Variants in CFAP74 observed in about 807,000 individuals in gnomAD.
CFAP74 encodes the protein cilia- and flagella-associated protein 74.
A neutral mutation model predicts 188.9 loss-of-function variants in CFAP74; 124 were observed. The ratio of observed to expected loss-of-function variants is 0.66; its 90% confidence interval spans 0.57 to 0.76. The LOEUF (loss-of-function observed/expected upper bound fraction) is 0.76. Ranked by LOEUF, CFAP74 falls within the 30% of genes least tolerant of loss-of-function variation. CFAP74 has a pLI of 0.00. For missense variants in CFAP74, 2,198 were observed against 2,165.2 expected (o/e 1.02, Z -0.30); for synonymous variants, 956 against 916.7 (o/e 1.04, Z -0.77).
chr1:1,927,649 A>C lies in CFAP74; in HGVS notation c.3485T>G (p.Val1162Gly). The change falls in exon 28 of 39, where the codon GTC (valine) becomes GGC (glycine). Residue 1162 changes from valine (V) to glycine (G), a missense_variant. Val to Gly is a moderately radical substitution (Grantham distance 109). Transcript: ENST00000682832. ...CTTCCGCATCTCCAGGACGTGGGGG[A>C]CAGAGACTTTGAACAGCTTGTCGCG... The part of the protein sequence containing the change: ...QNRDKLFKVS[V>G]PHVLEMRKRE... 6.5e-7 allele frequency: 1 copy of C among 1,550,150 alleles called. No homozygotes were observed. The highest frequency in any genetic ancestry group is 8.7e-7 in the Non-Finnish European group (1 of 1,146,848).
intron 18 of CFAP74, chr1:1,954,926 A>G: frequency 8.4e-7 from 1 of 1,193,004 alleles, no homozygotes; most frequent in Non-Finnish European, 1.1e-6. Flanking sequence ...AACAGTGTGT[A>G]CCACGAACGC....
intron 17 of CFAP74, 86 bp from the exon 18 acceptor site, chr1:1,955,936 CGTGTT>C: frequency 6.7e-7 from 1 of 1,501,154 alleles, no homozygotes; most frequent in Non-Finnish European, 8.9e-7. Context: ...GAGGACAGGC[CGTGTT>C]GGGGGCTGGA....
At chr1:1,939,058 TGAGTGTGA>T in intron 24 of CFAP74, 70 bp from the exon 25 acceptor site, 4 of 1,452,976 alleles carry the variant, frequency 2.8e-6, no homozygotes, top group Non-Finnish European at 1.9e-6. Context: ...GGCAGGGCCG[TGAGTGTGA>T]GAGTAAGAGA....
intron 15 of CFAP74, 89 bp from the exon 16 acceptor site, chr1:1,959,298 C>G: frequency 1.1e-6 from 1 of 909,644 alleles, no homozygotes; most frequent in South Asian, 1.5e-5. Context: ...GCTCTGTTGG[C>G]CAGGCTGGGG....
At chr1:1,976,362 A>T (rs545010987) in intron 6 of CFAP74, among the ~76,000 whole-genome samples, 2 of 151,990 alleles carry the variant, frequency 1.3e-5, no homozygotes, top group South Asian at 4.2e-4. Context: ...GAAGATCTGG[A>T]TCTTTGAAAA....
chr1:1,968,711 G>T lies in CFAP74; in HGVS notation c.1169C>A (p.Thr390Asn). 3 of 1,614,084 alleles carry T rather than the reference G, an allele frequency of 1.9e-6. No individual in the cohort carries two copies. The highest frequency in any genetic ancestry group is 1.7e-4 in the Middle Eastern group (1 of 6,058). Residue 390 changes from threonine to asparagine, a missense_variant, in exon 11 of 39, where the codon ACC (threonine) becomes AAC (asparagine). Physicochemically the swap from Thr to Asn is moderately conservative, Grantham distance 65 (BLOSUM62 0). Transcript: ENST00000682832. The surrounding 1 kb of genome is among the most constrained non-coding windows in gnomAD (Gnocchi z 4.3). ...GTAGTTCCAGGTCTTGTCCCTCAGG[G>T]TCAGCCGGTGCCTGGCACTGGTGGG... ...HPPTSARHRL[T>N]LRDKTWNYIS...
rs890826741 is a variant in CFAP74, at chr1:1,944,541, C to G, written c.2365-89G>C. On this transcript the variant is annotated intron_variant, in intron 20 of 38. Coordinates refer to ENST00000682832, the MANE Select transcript of CFAP74 (RefSeq NM_001304360.2). ...GCACTGACACAGCTCCCAGGAGGAA[C>G]GTTTCATGGGCTTGAGTTTTCTAAC... is the stretch of plus-strand genomic sequence containing the variant. The G allele has an allele frequency of 5.1e-6, 7 of 1,370,414 alleles. No individual in the cohort carries two copies. The African/African-American group carries it at 1.0e-4, about 20-fold the overall frequency. 84.9% of individuals were successfully genotyped at this position (1,370,414 alleles called of 1,614,324 possible). A position where few individuals can be genotyped will look rare whatever the true frequency, so the allele number is the denominator to read the frequency against.
At chr1:1,922,467 G>T in intron 38 of CFAP74, 79 bp from the exon 39 acceptor site, 1 of 1,537,948 alleles carries the variant, frequency 6.5e-7, no homozygotes, top group Non-Finnish European at 8.8e-7. Context: ...CCACTGCCCT[G>T]CCCACCTGAC....
chr1:1,963,811 G>T lies in CFAP74; in HGVS notation c.1632C>A (p.Tyr544Ter), dbSNP rs1253317804. ...CCACCAGCTTGCAGTAGTTGATCGT[G>T]TAGGTGGTGTTTACCAACGTGATCT... ...KKKITLVNTT[Y>*]TINYCKLVGV... The change falls in exon 14 of 39, where the codon TAC becomes TAA. Residue 544 changes from tyrosine to a stop codon, truncating the protein, a stop_gained. Coordinates refer to ENST00000682832, the MANE Select transcript of CFAP74 (RefSeq NM_001304360.2). LOFTEE classifies it high-confidence loss of function. The T allele has an allele frequency of 3.1e-6, 5 of 1,613,900 alleles. No individual in the cohort carries two copies. The highest frequency in any genetic ancestry group is 4.2e-6 in the Non-Finnish European group (5 of 1,179,980).
At chr1:1,946,754 G>A (rs940252198) in intron 19 of CFAP74, among the ~76,000 whole-genome samples, 25 of 152,188 alleles carry the variant, frequency 1.6e-4, no homozygotes, top group African/African-American at 5.6e-4. Flanking sequence ...CCCCACACCC[G>A]GGAAACAATC....
At chr1:1,976,248 G>A (rs993305736) in intron 6 of CFAP74, among the ~76,000 whole-genome samples, 11 of 152,218 alleles carry the variant, frequency 7.2e-5, no homozygotes, top group South Asian at 6.2e-4. Flanking sequence ...GTGTTGAACC[G>A]GAGCCCCCAG....
chr1:1,996,477 C>A (rs1657917988), intron 1 of CFAP74, among the ~76,000 whole-genome samples: 1 of 152,192 alleles, frequency 6.6e-6, no homozygotes, highest in Non-Finnish European at 1.5e-5. Flanking sequence ...GAAGACTCAG[C>A]AGCTTCAATT....
chr1:1,998,793 C>T (rs971576214), intron 1 of CFAP74, among the ~76,000 whole-genome samples: 8 of 152,086 alleles, frequency 5.3e-5, no homozygotes, highest in Non-Finnish European at 1.0e-4. Flanking sequence ...AGGAGAATGG[C>T]GTGAAGCCAG....
intron 14 of CFAP74, among the ~76,000 whole-genome samples, chr1:1,961,532 G>A (rs1292566341): frequency 2.0e-5 from 3 of 152,092 alleles, no homozygotes; most frequent in Non-Finnish European, 2.9e-5. Flanking sequence ...TCATCCCAGC[G>A]TGGGGAGGAA....
intron 25 of CFAP74, among the ~76,000 whole-genome samples, chr1:1,931,432 T>TAA (rs34892654): frequency 0.048 from 3,607 of 75,328 alleles, 352 homozygotes; most frequent in African/African-American, 0.18. Context: ...CCCATCTCAA[T>TAA]AAAAAAAAAA....
Position 1,926,768 on chromosome 1 carries a change from T to C in CFAP74, c.3663-7A>G. On this transcript the variant is annotated splice_region_variant and splice_polypyrimidine_tract_variant and intron_variant, in intron 29 of 38. Coordinates refer to ENST00000682832, the MANE Select transcript of CFAP74 (RefSeq NM_001304360.2). ...GTACAGGGTGTTGTGGGGGCTGGGA[T>C]AGGAAGGGCATGCTGAGGGCAGGGT... The C allele has an allele frequency of 1.3e-6, 2 of 1,549,312 alleles. No homozygotes were observed. Among genetic ancestry groups the C allele is most frequent in the South Asian group, 2.4e-5 (2 of 84,022 alleles).
At chr1:1,924,868 G>GAGC (rs1184925980) in intron 33 of CFAP74, among the ~76,000 whole-genome samples, 15 of 152,204 alleles carry the variant, frequency 9.9e-5, no homozygotes, top group Non-Finnish European at 2.1e-4. Context: ...CCTCTCCTTA[G>GAGC]AGCACCCTTT....
intron 1 of CFAP74, among the ~76,000 whole-genome samples, chr1:1,994,963 C>T (rs954777753): frequency 2.0e-5 from 3 of 152,104 alleles, no homozygotes; most frequent in African/African-American, 4.8e-5. Flanking sequence ...GCTGGCTGAC[C>T]CTCTGCAGGA....
chr1:1,974,250 G>A (rs776937617), intron 6 of CFAP74, 52 bp from the exon 7 acceptor site: 5 of 1,524,712 alleles, frequency 3.3e-6, no homozygotes, highest in African/African-American at 1.4e-5. Context: ...TCATCCTGGG[G>A]TGGGGGTTTC....
Sources: allele counts gnomAD v4.1 joint callset (sites outside exome capture counted in the v4.1 genomes callset), GRCh38; gene constraint gnomAD v4.1.1; non-coding constraint Gnocchi (gnomAD v3.1); transcripts MANE v1.5; gene names NCBI Gene and HGNC (gene_info 2026-07-23, HGNC 2026-07-21).